SOX5: variants seen among roughly 807,000 people sequenced by gnomAD.
SOX5 encodes the protein transcription factor SOX-5.
A neutral mutation model predicts 92.0 loss-of-function variants in SOX5; 9 were observed. The observed-to-expected ratio is 0.10, with a 90% CI of 0.06 to 0.17. The LOEUF (loss-of-function observed/expected upper bound fraction) is 0.17, where lower values mean the gene tolerates loss of function less well. Ranked by LOEUF, SOX5 falls within the 10% of genes least tolerant of loss-of-function variation. The pLI is 1.00. For missense variants in SOX5, 642 were observed against 944.5 expected, an observed-to-expected ratio of 0.68 and a Z score of 4.20; for synonymous variants, 344 against 336.3, an observed-to-expected ratio of 1.02 and a Z score of -0.25.
intron 1 of SOX5, among the ~76,000 whole-genome samples, chr12:24,415,127 G>A (rs766463197): frequency 5.9e-5 from 9 of 152,096 alleles, no homozygotes; most frequent in Admixed American, 3.9e-4. Context: ...AGGCTTTGTG[G>A]TTTTTAATAT....
chr12:23,626,294 C>T (rs1294160160), intron 8 of SOX5, among the ~76,000 whole-genome samples: 1 of 152,006 alleles, frequency 6.6e-6, no homozygotes, highest in African/African-American at 2.4e-5. Flanking sequence ...TACTTTATGT[C>T]CAACTTGTCA....
intron 9 of SOX5, among the ~76,000 whole-genome samples, chr12:23,600,553 A>ATATATATATATATATATATT (rs56115010): frequency 1.3e-5 from 1 of 77,352 alleles, no homozygotes; most frequent in African/African-American, 3.6e-5. Flanking sequence ...ATATATATAT[A>ATATATATATATATATATATT]CACATACTTG....
intron 3 of SOX5, among the ~76,000 whole-genome samples, chr12:24,275,870 A>G (rs541764301): frequency 2.0e-5 from 3 of 152,190 alleles, no homozygotes; most frequent in Non-Finnish European, 4.4e-5. Context: ...TTCTTGTTAT[A>G]TTATTATTAT....
At chr12:24,439,611 T>C (rs897791484) in intron 1 of SOX5, among the ~76,000 whole-genome samples, 3 of 152,092 alleles carry the variant, frequency 2.0e-5, no homozygotes, top group Admixed American at 6.6e-5. Flanking sequence ...AAAACAAAAA[T>C]AGTCCGGGCG....
chr12:24,284,317 C>A (rs372295397), intron 2 of SOX5, among the ~76,000 whole-genome samples: 10 of 152,174 alleles, frequency 6.6e-5, no homozygotes, highest in Admixed American at 1.3e-4. Context: ...AGGCTGATCC[C>A]TGGAGGTCAA....
At chr12:24,554,749 A>T (rs1032686533) in intron 1 of SOX5, among the ~76,000 whole-genome samples, 5 of 152,180 alleles carry the variant, frequency 3.3e-5, no homozygotes, top group African/African-American at 1.2e-4. Context: ...CTCAATCACA[A>T]TCCTGATTAC....
At chr12:24,408,194 A>G (rs367786609) in intron 1 of SOX5, among the ~76,000 whole-genome samples, 3 of 152,188 alleles carry the variant, frequency 2.0e-5, no homozygotes, top group Non-Finnish European at 4.4e-5. Context: ...AAGAGGGGAC[A>G]TGAAGCTTTC....
chr12:23,826,286 T>C (rs2096232990), intron 3 of SOX5, among the ~76,000 whole-genome samples: 1 of 151,990 alleles, frequency 6.6e-6, no homozygotes, highest in Non-Finnish European at 1.5e-5. Context: ...TTGGGTTTTT[T>C]TGTCCTTGCG....
At chr12:23,664,820 A>G (rs915473018) in intron 7 of SOX5, among the ~76,000 whole-genome samples, 2 of 152,204 alleles carry the variant, frequency 1.3e-5, no homozygotes, top group Non-Finnish European at 2.9e-5. Flanking sequence ...AATGAGTATG[A>G]CAGAATCAGC....
intron 3 of SOX5, among the ~76,000 whole-genome samples, chr12:23,777,910 C>G (rs1476178814): frequency 6.6e-6 from 1 of 152,194 alleles, no homozygotes; most frequent in Admixed American, 6.5e-5. Flanking sequence ...TCTAGCATGG[C>G]TCTCATGGTT....
intron 1 of SOX5, chr12:23,920,271 C>T (rs939487202): frequency 6.6e-6 from 1 of 152,142 alleles, no homozygotes; most frequent in Non-Finnish European, 1.5e-5. Flanking sequence ...CTTTTGTTTA[C>T]TTTTAATTTA....
intron 3 of SOX5, among the ~76,000 whole-genome samples, chr12:24,258,242 T>C (rs1594878489): frequency 1.3e-5 from 2 of 152,240 alleles, no homozygotes; most frequent in Admixed American, 1.3e-4. Context: ...CCATGACCCT[T>C]AAACATTCCT....
chr12:24,545,438 G>T (rs1391664568), intron 1 of SOX5, among the ~76,000 whole-genome samples: 1 of 151,990 alleles, frequency 6.6e-6, no homozygotes, highest in Non-Finnish European at 1.5e-5. Flanking sequence ...ATTATGGATT[G>T]CCTTGTCTAA....
intron 3 of SOX5, among the ~76,000 whole-genome samples, chr12:23,834,389 C>A (rs1462445526): frequency 6.6e-6 from 1 of 151,878 alleles, no homozygotes; most frequent in Non-Finnish European, 1.5e-5. Flanking sequence ...GCTGATAGTA[C>A]TTTTGTTCTA....
At chr12:24,544,153 G>T (rs1479951693) in intron 1 of SOX5, among the ~76,000 whole-genome samples, 2 of 152,110 alleles carry the variant, frequency 1.3e-5, no homozygotes, top group African/African-American at 4.8e-5. Context: ...TAATTGAAAT[G>T]GATTTTTATT....
intron 4 of SOX5, among the ~76,000 whole-genome samples, chr12:24,139,073 G>A (rs1950346411): frequency 6.6e-6 from 1 of 152,070 alleles, no homozygotes; most frequent in Non-Finnish European, 1.5e-5. Flanking sequence ...GTTCCAAGTC[G>A]AATAATTACA....
At chr12:24,334,344 T>A (rs1350525865) in intron 2 of SOX5, among the ~76,000 whole-genome samples, 3 of 151,998 alleles carry the variant, frequency 2.0e-5, no homozygotes, top group Non-Finnish European at 4.4e-5. Flanking sequence ...AACTGTAATA[T>A]ATTAATAGGA....
chr12:23,721,872 C>T (rs1325482642), intron 6 of SOX5, among the ~76,000 whole-genome samples: 1 of 152,128 alleles, frequency 6.6e-6, no homozygotes, highest in Non-Finnish European at 1.5e-5. Flanking sequence ...GTTATTATTA[C>T]CATATCTCCA....
At chr12:24,505,852 T>TGTGTGTGTGTGC (rs1252814448) in intron 1 of SOX5, among the ~76,000 whole-genome samples, 1 of 146,224 alleles carries the variant, frequency 6.8e-6, no homozygotes, top group Non-Finnish European at 1.5e-5. Flanking sequence ...TGTGTGTGTG[T>TGTGTGTGTGTGC]GCGTGTGTGT....
Sources: allele counts gnomAD v4.1 joint callset (sites outside exome capture counted in the v4.1 genomes callset), GRCh38; gene constraint gnomAD v4.1.1; transcripts MANE v1.5; gene names NCBI Gene and HGNC (gene_info 2026-07-23, HGNC 2026-07-21).